CFAP90: variants seen among roughly 807,000 people sequenced by gnomAD.
CFAP90 encodes cilia- and flagella-associated protein 90.
chr5:7,834,954 C>T, the CFAP90 span, among the ~76,000 whole-genome samples: 2 of 151,396 alleles, frequency 1.3e-5, no homozygotes, highest in Non-Finnish European at 2.9e-5. Flanking sequence ...CCGCACCAAA[C>T]ACACACACAC....
the CFAP90 span, among the ~76,000 whole-genome samples, chr5:7,849,639 C>T: frequency 1.3e-5 from 2 of 152,310 alleles, no homozygotes; most frequent in Non-Finnish European, 2.9e-5. Context: ...TACTACTTTT[C>T]CTGCCTTTGG....
the CFAP90 span, among the ~76,000 whole-genome samples, chr5:7,846,200 C>T: frequency 6.6e-6 from 1 of 152,062 alleles, no homozygotes; most frequent in African/African-American, 2.4e-5. Context: ...TGTGGCAGGT[C>T]CACATGGCTG....
chr5:7,836,010 T>G, the CFAP90 span, among the ~76,000 whole-genome samples: 1 of 152,100 alleles, frequency 6.6e-6, no homozygotes, highest in Admixed American at 6.5e-5. Flanking sequence ...TGGTGTCTTC[T>G]CCCTGTATCC....
the CFAP90 span, among the ~76,000 whole-genome samples, chr5:7,834,435 A>AT: frequency 2.0e-5 from 3 of 152,348 alleles, no homozygotes; most frequent in East Asian, 5.8e-4. Flanking sequence ...AAAAGTTTAT[A>AT]AGGTTAAGAA....
the CFAP90 span, among the ~76,000 whole-genome samples, chr5:7,839,352 C>T: frequency 1.3e-5 from 2 of 152,306 alleles, no homozygotes; most frequent in Middle Eastern, 3.4e-3. Context: ...AAAATAGATC[C>T]TCCAGTGGCT....
At chr5:7,833,289 G>A in the CFAP90 span, among the ~76,000 whole-genome samples, 8 of 152,078 alleles carry the variant, frequency 5.3e-5, no homozygotes, top group Non-Finnish European at 7.4e-5. Flanking sequence ...ACACACACAT[G>A]CATGTACACA....
At chr5:7,843,002 A>T in the CFAP90 span, among the ~76,000 whole-genome samples, 4 of 152,288 alleles carry the variant, frequency 2.6e-5, no homozygotes, top group South Asian at 4.1e-4. Flanking sequence ...CACCTTGTCT[A>T]ATATGCTAAT....
At chr5:7,831,901 G>T in the CFAP90 span, 1 of 1,614,044 alleles carries the variant, frequency 6.2e-7, no homozygotes, top group Non-Finnish European at 8.5e-7. Context: ...TGGGGATGTC[G>T]TTCTTCCTGT....
At chr5:7,850,976 T>C in the CFAP90 span, 1 of 1,309,920 alleles carries the variant, frequency 7.6e-7, no homozygotes. Context: ...GGCCTGGGCT[T>C]GCCCCGCAGC....
the CFAP90 span, among the ~76,000 whole-genome samples, chr5:7,846,712 C>T: frequency 6.6e-6 from 1 of 152,106 alleles, no homozygotes; most frequent in African/African-American, 2.4e-5. Context: ...TTTTACTACT[C>T]AGCTTGATTA....
the CFAP90 span, among the ~76,000 whole-genome samples, chr5:7,833,500 TACAC>T: frequency 7.5e-4 from 114 of 151,874 alleles, no homozygotes; most frequent in African/African-American, 2.2e-3. Flanking sequence ...AATAGATACA[TACAC>T]ACATGCATAT....
chr5:7,836,173 T>G, the CFAP90 span, among the ~76,000 whole-genome samples: 1 of 152,200 alleles, frequency 6.6e-6, no homozygotes, highest in Admixed American at 6.5e-5. Context: ...CGTACGAATT[T>G]GGGGAGACAC....
the CFAP90 span, among the ~76,000 whole-genome samples, chr5:7,841,066 A>C: frequency 2.0e-5 from 3 of 152,198 alleles, no homozygotes; most frequent in Admixed American, 6.5e-5. Context: ...AACCTACAGA[A>C]TGGGAGAAAA....
chr5:7,835,751 C>T, the CFAP90 span, among the ~76,000 whole-genome samples: 2 of 152,208 alleles, frequency 1.3e-5, no homozygotes, highest in African/African-American at 4.8e-5. Context: ...CACTTCTCAA[C>T]TTTCTCCTCC....
the CFAP90 span, among the ~76,000 whole-genome samples, chr5:7,841,257 G>A: frequency 1.6e-3 from 249 of 152,218 alleles, 3 homozygotes; most frequent in African/African-American, 5.8e-3. Context: ...TTAGAGAAAC[G>A]CAAATCAAAA....
the CFAP90 span, among the ~76,000 whole-genome samples, chr5:7,833,306 TAC>T: frequency 6.6e-6 from 1 of 152,146 alleles, no homozygotes; most frequent in Non-Finnish European, 1.5e-5. Context: ...CACACATATG[TAC>T]ACACATGTAC....
At chr5:7,847,355 G>C in the CFAP90 span, among the ~76,000 whole-genome samples, 1 of 152,116 alleles carries the variant, frequency 6.6e-6, no homozygotes, top group African/African-American at 2.4e-5. Context: ...AAACTGCATG[G>C]AAAAAAATTG....
At chr5:7,845,110 GAGAC>G in the CFAP90 span, among the ~76,000 whole-genome samples, 3 of 152,176 alleles carry the variant, frequency 2.0e-5, no homozygotes, top group Admixed American at 1.3e-4. Context: ...GCTGGCAGGA[GAGAC>G]AGAGAGAGAG....
chr5:7,849,535 C>T, the CFAP90 span, among the ~76,000 whole-genome samples: 18 of 152,312 alleles, frequency 1.2e-4, no homozygotes, highest in African/African-American at 4.1e-4. Context: ...AGTAATGACT[C>T]CCCTGCCCCT....
Sources: gnomAD v4.1 joint callset for allele counts (sites outside exome capture counted in the v4.1 genomes callset) on GRCh38, gnomAD v4.1.1 for gene constraint, MANE v1.5 for transcripts, NCBI Gene and HGNC (gene_info 2026-07-23, HGNC 2026-07-21) for gene names.